Variants in TARS3 observed in about 807,000 individuals in gnomAD.
The protein encoded by TARS3 is threonine--tRNA ligase 2, cytoplasmic.
Under a neutral mutation model 103.5 loss-of-function variants are expected in TARS3, and 94 were observed. The ratio of observed to expected loss-of-function variants is 0.91; its 90% confidence interval spans 0.77 to 1.08. The LOEUF (loss-of-function observed/expected upper bound fraction) is 1.08, where lower values mean the gene tolerates loss of function less well. Among genes scored for constraint, TARS3 ranks in the 50% least tolerant of loss-of-function variants. TARS3 has a pLI of 0.00. For synonymous variants in TARS3, 416 were observed against 355.4 expected (o/e 1.17, Z -1.92); for missense variants, 952 against 995.2 (o/e 0.96, Z 0.58).
At chr15:101,715,064 T>G in intron 3 of TARS3, 101 bp from the exon 4 acceptor site, 3 of 1,190,806 alleles carry the variant, frequency 2.5e-6, no homozygotes, top group African/African-American at 1.6e-5. Context: ...TTGAAGTGTA[T>G]AAAAAGTACA....
At chr15:101,721,576 C>T (rs1900462453) in intron 2 of TARS3, among the ~76,000 whole-genome samples, 1 of 152,154 alleles carries the variant, frequency 6.6e-6, no homozygotes, top group African/African-American at 2.4e-5. Flanking sequence ...CTCACTGCAG[C>T]CTCTGTCTCC....
Position 101,656,947 on chromosome 15 carries a change from C to T in TARS3, c.2235G>A (p.Gln745=), listed in dbSNP as rs766007460. The change falls in exon 18 of 19, where the codon CAG becomes CAA. Residue 745 remains glutamine (Q), a synonymous_variant. Transcript: ENST00000335968. ...CCAAAATAAAATTATACTGAGCCAG[C>T]TGTGCATTTCGTATTTTCTTATTTA... ...CTLNKKIRNA[Q]LAQYNFILVV... 3.1e-6 allele frequency: 5 copies of T among 1,611,662 alleles called. No homozygotes were observed. Among genetic ancestry groups the T allele is most frequent in the Middle Eastern group, 3.3e-4 (2 of 6,074 alleles).
In TARS3 at chr15:101,702,302, C is replaced by CA; in HGVS notation, c.1157dup (p.Met386IlefsTer48). 1 of 1,614,148 alleles carries CA rather than the reference C, an allele frequency of 6.2e-7. No individual in the cohort carries two copies. Among genetic ancestry groups the CA allele is most frequent in the Non-Finnish European group, 8.5e-7 (1 of 1,179,998 alleles). On this transcript the variant is annotated frameshift_variant, in exon 9 of 19. Coordinates refer to ENST00000335968, the MANE Select transcript of TARS3 (RefSeq NM_152334.3). LOFTEE classifies it high-confidence loss of function. ...CTTGGAACTTTTCCCAGTCTCTCATCATCTTGTTATCAGGAAAGGATATTC... is the reference window on the plus strand; with the variant it reads ...CTTGGAACTTTTCCCAGTCTCTCATCAATCTTGTTATCAGGAAAGGATATTC...
At chr15:101,699,451 G>C (rs1899146064) in intron 10 of TARS3, 1 of 455,890 alleles carries the variant, frequency 2.2e-6, no homozygotes, top group South Asian at 1.5e-5. Context: ...AAAAATAAGA[G>C]ATCCCCTTAA....
At chr15:101,709,867 A>T (rs1041113712) in intron 5 of TARS3, among the ~76,000 whole-genome samples, 1 of 152,250 alleles carries the variant, frequency 6.6e-6, no homozygotes, top group Admixed American at 6.5e-5. Context: ...GTCTTCATCC[A>T]GATTTCTGGC....
chr15:101,686,759 T>G (rs2141409353), intron 10 of TARS3, among the ~76,000 whole-genome samples: 1 of 152,292 alleles, frequency 6.6e-6, no homozygotes, highest in East Asian at 1.9e-4. Context: ...GTTTTGACAG[T>G]AATTTGATAG....
chr15:101,682,075 T>C (rs1898277000), intron 12 of TARS3, among the ~76,000 whole-genome samples: 1 of 152,250 alleles, frequency 6.6e-6, no homozygotes, highest in African/African-American at 2.4e-5. Context: ...TAGATGATCA[T>C]GTCATTTACA....
At chr15:101,715,337 G>A (rs964302928) in intron 3 of TARS3, among the ~76,000 whole-genome samples, 2 of 151,558 alleles carry the variant, frequency 1.3e-5, no homozygotes, top group East Asian at 1.9e-4. Context: ...TAGTAGAGAC[G>A]GGGTTTCACC....
Position 101,654,742 on chromosome 15 carries a change from AAAGGT to A in TARS3, c.2261-17_2261-13del. On this transcript the variant is annotated splice_polypyrimidine_tract_variant and intron_variant, in intron 18 of 18. Coordinates refer to ENST00000335968, the MANE Select transcript of TARS3 (RefSeq NM_152334.3). ...CTTTTCTCCAACCACTGCAGAAAAG[AAAGGT>A]AAAGAAATGTATTTTAAATCAGCAA... The A allele has an allele frequency of 6.2e-7, 1 of 1,610,824 alleles. No homozygotes were observed. The highest frequency in any genetic ancestry group is 1.1e-5 in the South Asian group (1 of 90,396).
chr15:101,697,576 A>G lies in TARS3; in HGVS notation c.1320+3510T>C, dbSNP rs535532003. ...AAAGCCACCAGGACCTGCTGGGTTC[A>G]AAAATGAAACCTTCTTATCCTTAGA... On this transcript the variant is annotated intron_variant, in intron 10 of 18. Coordinates refer to ENST00000335968, the MANE Select transcript of TARS3 (RefSeq NM_152334.3). Among the ~76,000 whole-genome samples the G allele has an allele frequency of 5.3e-5, 8 of 152,326 alleles. No individual in the cohort carries two copies. The East Asian group carries it at 1.4e-3, about 26-fold the overall frequency.
intron 12 of TARS3, among the ~76,000 whole-genome samples, chr15:101,676,838 C>A (rs906890943): frequency 6.7e-6 from 1 of 149,454 alleles, no homozygotes; most frequent in Non-Finnish European, 1.5e-5. Context: ...GGTGCACGTG[C>A]AGGATGTGTA....
At chr15:101,660,185 G>A (rs974570461) in intron 16 of TARS3, among the ~76,000 whole-genome samples, 5 of 152,312 alleles carry the variant, frequency 3.3e-5, no homozygotes, top group African/African-American at 9.6e-5. Flanking sequence ...GACTGTGCCC[G>A]GCAATAGTAG....
At chr15:101,706,385 T>A (rs1244374433) in intron 6 of TARS3, among the ~76,000 whole-genome samples, 1 of 152,246 alleles carries the variant, frequency 6.6e-6, no homozygotes, top group Non-Finnish European at 1.5e-5. Flanking sequence ...AATCATTCGT[T>A]AATCATTCTT....
At chr15:101,709,075 G>A (rs1185607792) in intron 5 of TARS3, among the ~76,000 whole-genome samples, 165 bp from the exon 6 acceptor site, 1 of 152,188 alleles carries the variant, frequency 6.6e-6, no homozygotes, top group Non-Finnish European at 1.5e-5. Flanking sequence ...GTGTCTCAGT[G>A]AGGGAGACTG....
intron 18 of TARS3, chr15:101,655,825 C>CG: frequency 8.1e-7 from 1 of 1,239,188 alleles, no homozygotes; most frequent in South Asian, 1.4e-5. Context: ...CAGATGAGAG[C>CG]GGGGAGCTCT....
intron 2 of TARS3, among the ~76,000 whole-genome samples, chr15:101,721,656 G>A (rs1185871731): frequency 6.6e-6 from 1 of 152,112 alleles, no homozygotes; most frequent in East Asian, 1.9e-4. Flanking sequence ...CACCCTGCCA[G>A]ACTAATTTTT....
chr15:101,709,785 C>T (rs182319580), intron 5 of TARS3, among the ~76,000 whole-genome samples: 7 of 152,356 alleles, frequency 4.6e-5, no homozygotes, highest in East Asian at 1.9e-4. Flanking sequence ...TCTTGTTGAA[C>T]GAATACTGGA....
intron 7 of TARS3, among the ~76,000 whole-genome samples, chr15:101,704,382 T>C (rs998912884): frequency 4.6e-5 from 7 of 152,108 alleles, no homozygotes; most frequent in Admixed American, 6.5e-5. Flanking sequence ...GGGCCGGGTG[T>C]GGTGGCTCAC....
intron 6 of TARS3, 114 bp downstream of exon 6, chr15:101,708,679 A>G: frequency 1.3e-6 from 1 of 756,596 alleles, no homozygotes. Context: ...GTAGCTTAAC[A>G]GGATTGGAAT....
Sources: allele counts gnomAD v4.1 joint callset (sites outside exome capture counted in the v4.1 genomes callset), GRCh38; gene constraint gnomAD v4.1.1; transcripts MANE v1.5; gene names NCBI Gene and HGNC (gene_info 2026-07-23, HGNC 2026-07-21).